The following KLHL8 variants were observed in gnomAD, a reference collection of about 807,000 sequenced individuals.
KLHL8 encodes kelch like family member 8, also known as kelch-like protein 8.
Under a neutral mutation model 63.5 loss-of-function variants are expected in KLHL8, and 38 were observed. The observed-to-expected ratio is 0.60, with a 90% confidence interval of 0.46 to 0.78. KLHL8 has a LOEUF of 0.78. Ranked by LOEUF, KLHL8 falls within the 30% of genes least tolerant of loss-of-function variation. The pLI is 0.00. For synonymous variants in KLHL8, 224 were observed against 254.3 expected (o/e 0.88, Z 1.13); for missense variants, 566 against 752.4 (o/e 0.75, Z 2.90).
At chr4:87,215,681 G>A (rs955116153) in intron 1 of KLHL8, among the ~76,000 whole-genome samples, 1 of 151,966 alleles carries the variant, frequency 6.6e-6, no homozygotes, top group Non-Finnish European at 1.5e-5. Context: ...GGAAAACAGG[G>A]CAAAATTCCA....
At chr4:87,230,884 G>C (rs1733124554) in intron 1 of KLHL8, among the ~76,000 whole-genome samples, 1 of 152,198 alleles carries the variant, frequency 6.6e-6, no homozygotes, top group African/African-American at 2.4e-5. Flanking sequence ...CAGAAGCCTA[G>C]ATGTTAGGAT....
chr4:87,176,628 C>A, intron 6 of KLHL8, 129 bp downstream of exon 6: 1 of 601,756 alleles, frequency 1.7e-6, no homozygotes. Context: ...TTTGGACATG[C>A]TAACAAAATG....
intron 6 of KLHL8, among the ~76,000 whole-genome samples, chr4:87,175,621 T>A (rs1730793350): frequency 6.6e-6 from 1 of 152,222 alleles, no homozygotes; most frequent in African/African-American, 2.4e-5. Context: ...CACCTTAGGA[T>A]ATCTAAAAAG....
intron 2 of KLHL8, among the ~76,000 whole-genome samples, chr4:87,187,907 CATT>C (rs1407176389): frequency 6.6e-6 from 1 of 152,210 alleles, no homozygotes; most frequent in Non-Finnish European, 1.5e-5. Flanking sequence ...AGTTGTATCT[CATT>C]ATTTGAGAAC....
rs1422359404 is a variant in KLHL8, at chr4:87,178,468, T to C, written c.1096+9A>G. On this transcript the variant is annotated intron_variant, in intron 5 of 9. Transcript: ENST00000273963. ...GATCATATGATATTTCAGACAAGAG[T>C]GGACCCACCTTCCACAGAGATTACA... The C allele has an allele frequency of 3.1e-6, 5 of 1,598,270 alleles. No individual in the cohort carries two copies. Among genetic ancestry groups the C allele is most frequent in the Non-Finnish European group, 4.3e-6 (5 of 1,175,654 alleles).
At chr4:87,182,470 G>T (rs552719058) in intron 4 of KLHL8, among the ~76,000 whole-genome samples, 1 of 151,948 alleles carries the variant, frequency 6.6e-6, no homozygotes, top group Non-Finnish European at 1.5e-5. Context: ...TATTTAGATT[G>T]CACCATATAT....
At chr4:87,229,695 G>T (rs1303195726) in intron 1 of KLHL8, among the ~76,000 whole-genome samples, 2 of 151,574 alleles carry the variant, frequency 1.3e-5, no homozygotes, top group Non-Finnish European at 2.9e-5. Context: ...GCCTCCAAAA[G>T]TGTTGGAATT....
chr4:87,163,531 A>G lies in KLHL8; in HGVS notation c.1851T>C (p.Val617=). 1 of 1,614,176 alleles carries G rather than the reference A, an allele frequency of 6.2e-7. No individual in the cohort carries two copies. Among genetic ancestry groups the G allele is most frequent in the East Asian group, 2.2e-5 (1 of 44,886 alleles). ...GCCAGAACTCAAATCACATACAGTC[A>G]ACCACATTATTGGATCCATGACCTA... The part of the protein sequence containing the change: ...RDVGHGSNNV[V]DCM Residue 617 remains valine, a synonymous_variant, in exon 10 of 10, where the codon GTT becomes GTC. Coordinates refer to ENST00000273963, the MANE Select transcript of KLHL8 (RefSeq NM_020803.5).
At chr4:87,235,093 A>G (rs1034948380) in intron 1 of KLHL8, among the ~76,000 whole-genome samples, 1 of 152,086 alleles carries the variant, frequency 6.6e-6, no homozygotes, top group Admixed American at 6.6e-5. Flanking sequence ...ATATTTGAAT[A>G]AATAAATATA....
At chr4:87,238,952 C>T (rs1733282010) in intron 1 of KLHL8, among the ~76,000 whole-genome samples, 2 of 152,148 alleles carry the variant, frequency 1.3e-5, no homozygotes, top group Non-Finnish European at 2.9e-5. Context: ...TCCATTTGGT[C>T]TCTCTAGTGA....
At chr4:87,215,507 A>T (rs1449502043) in intron 1 of KLHL8, among the ~76,000 whole-genome samples, 1 of 152,216 alleles carries the variant, frequency 6.6e-6, no homozygotes, top group Non-Finnish European at 1.5e-5. Flanking sequence ...AAAAGATCTC[A>T]AGGAAAAAGA....
intron 8 of KLHL8, chr4:87,166,926 A>C (rs1422654671): frequency 5.9e-6 from 1 of 169,830 alleles, no homozygotes; most frequent in Admixed American, 6.2e-5. Context: ...CATGGTGAGG[A>C]GAGTGAGGAT....
chr4:87,170,673 A>G, intron 6 of KLHL8, 58 bp from the exon 7 acceptor site: 1 of 1,472,530 alleles, frequency 6.8e-7, no homozygotes, highest in Non-Finnish European at 9.3e-7. Flanking sequence ...AAAAAAAGTC[A>G]TATAAAAAAT....
intron 9 of KLHL8, 25 bp from the exon 10 acceptor site, chr4:87,163,667 GT>G: frequency 6.2e-7 from 1 of 1,611,780 alleles, no homozygotes; most frequent in Non-Finnish European, 8.5e-7. Context: ...AAGAAAAAAT[GT>G]TACAAAGCAT....
intron 2 of KLHL8, among the ~76,000 whole-genome samples, chr4:87,193,672 A>G (rs1731581291): frequency 6.6e-6 from 1 of 152,226 alleles, no homozygotes; most frequent in African/African-American, 2.4e-5. Flanking sequence ...ACCATGTGTT[A>G]TACCTTTTAT....
chr4:87,208,393 G>A lies in KLHL8; in HGVS notation c.-152+12025C>T, dbSNP rs551101863. On this transcript the variant is annotated intron_variant, in intron 1 of 9. Transcript: ENST00000273963. The stretch of plus-strand genomic sequence containing the variant: ...TCTTTTTTTTTTTTTTTGAGGCAGG[G>A]TCTCACTCTGCCACCCAGGCTACAG... 3.0e-4 allele frequency among the ~76,000 whole-genome samples: 45 copies of A among 150,310 alleles called. 2 individuals are homozygous for A. The highest frequency in any genetic ancestry group is 9.9e-4 in the Admixed American group (15 of 15,138).
chr4:87,206,080 T>A (rs534545074), intron 1 of KLHL8, among the ~76,000 whole-genome samples: 11 of 152,370 alleles, frequency 7.2e-5, no homozygotes, highest in African/African-American at 2.4e-4. Flanking sequence ...TGAGCCATAT[T>A]TGACTCCTCT....
chr4:87,221,052 A>T (rs1441030125), upstream of KLHL8: 1 of 152,232 alleles, frequency 6.6e-6, no homozygotes, highest in Non-Finnish European at 1.5e-5. Flanking sequence ...ACACACCCAC[A>T]GTTTGTAAAC....
chr4:87,169,882 CAAAG>C, intron 8 of KLHL8, among the ~76,000 whole-genome samples, 193 bp downstream of exon 8: 1 of 140,374 alleles, frequency 7.1e-6, no homozygotes, highest in South Asian at 2.3e-4. Context: ...AAAAAAAAAA[CAAAG>C]AATTCAAAAG....
Sources: gnomAD v4.1 joint callset for allele counts (sites outside exome capture counted in the v4.1 genomes callset) on GRCh38, gnomAD v4.1.1 for gene constraint, MANE v1.5 for transcripts, NCBI Gene and HGNC (gene_info 2026-07-23, HGNC 2026-07-21) for gene names.